The following GPR176 variants were observed in gnomAD, a reference collection of about 807,000 sequenced individuals.
GPR176 encodes G protein-coupled receptor 176.
In GPR176, 26 loss-of-function variants were observed where a neutral mutation model predicts 35.4. The observed-to-expected ratio is 0.74, with a 90% CI of 0.54 to 1.02. The LOEUF is 1.02. Ranked by LOEUF, GPR176 falls within the 50% of genes least tolerant of loss-of-function variation. GPR176 has a pLI of 0.00. For missense variants in GPR176, 597 were observed against 665.3 expected (o/e 0.90, Z 1.13); for synonymous variants, 278 against 271.3 (o/e 1.02, Z -0.24).
chr15:39,899,905 C>G (rs1203043642), intron 1 of GPR176, among the ~76,000 whole-genome samples: 1 of 152,052 alleles, frequency 6.6e-6, no homozygotes, highest in African/African-American at 2.4e-5. Context: ...TAAAATCATC[C>G]TAGATTCTAG....
intron 1 of GPR176, among the ~76,000 whole-genome samples, chr15:39,812,130 CATGT>C: frequency 6.6e-6 from 1 of 152,168 alleles, no homozygotes; most frequent in Non-Finnish European, 1.5e-5. Flanking sequence ...TACTGCTTCA[CATGT>C]AATATAAGAA....
intron 1 of GPR176, among the ~76,000 whole-genome samples, chr15:39,883,227 G>A (rs537833692): frequency 2.7e-4 from 41 of 151,868 alleles, no homozygotes; most frequent in South Asian, 1.9e-3. Flanking sequence ...TAATTATAAC[G>A]AAGTATTTTC....
intron 1 of GPR176, among the ~76,000 whole-genome samples, chr15:39,888,940 A>G (rs2032768119): frequency 6.6e-6 from 1 of 152,178 alleles, no homozygotes; most frequent in Non-Finnish European, 1.5e-5. Context: ...CTGCTCTCCA[A>G]TTTTCCCCCT....
intron 1 of GPR176, among the ~76,000 whole-genome samples, chr15:39,810,633 A>C (rs1013790329): frequency 2.6e-5 from 4 of 152,232 alleles, no homozygotes; most frequent in African/African-American, 9.6e-5. Context: ...AAAGCAGTAA[A>C]ATATCCATGG....
At chr15:39,917,295 A>T (rs1043249843) in intron 1 of GPR176, among the ~76,000 whole-genome samples, 2 of 151,976 alleles carry the variant, frequency 1.3e-5, no homozygotes, top group African/African-American at 4.8e-5. Flanking sequence ...TCTCAAAAAA[A>T]AAATAAAAAT....
At position 39,801,004 on chromosome 15, in the gene GPR176, G is replaced by T; in HGVS notation, c.*128C>A. 1 of 753,228 alleles carries T rather than the reference G, an allele frequency of 1.3e-6. No homozygotes were observed. The highest frequency in any genetic ancestry group is 2.2e-6 in the Non-Finnish European group (1 of 448,924). 46.7% of individuals were successfully genotyped at this position (753,228 alleles called of 1,614,324 possible). A position where few individuals can be genotyped will look rare whatever the true frequency, so the allele number is the denominator to read the frequency against. ...ATTTCCCTATCATTCAAAAGCATCT[G>T]GCCCATATTGGAGGAATCAACTCAC... On this transcript the variant is annotated 3_prime_UTR_variant, in exon 3 of 3. Coordinates refer to ENST00000561100, the MANE Select transcript of GPR176 (RefSeq NM_007223.3).
chr15:39,804,534 G>A (rs896033781), intron 2 of GPR176, among the ~76,000 whole-genome samples: 4 of 151,724 alleles, frequency 2.6e-5, no homozygotes, highest in African/African-American at 9.7e-5. Flanking sequence ...GGCCCCAGAA[G>A]TAACCCACAG....
intron 1 of GPR176, among the ~76,000 whole-genome samples, chr15:39,846,490 A>G (rs546922649): frequency 1.3e-5 from 2 of 152,352 alleles, no homozygotes; most frequent in South Asian, 2.1e-4. Flanking sequence ...TGACACTAAC[A>G]AAGCATCTTC....
intron 1 of GPR176, among the ~76,000 whole-genome samples, chr15:39,857,197 G>A (rs894772162): frequency 6.6e-6 from 1 of 152,216 alleles, no homozygotes; most frequent in African/African-American, 2.4e-5. Context: ...AAATCTTGAT[G>A]AATGTCAAAG....
chr15:39,895,868 A>G (rs775265319), intron 1 of GPR176, among the ~76,000 whole-genome samples: 2 of 152,212 alleles, frequency 1.3e-5, no homozygotes, highest in African/African-American at 2.4e-5. Context: ...ACTCTTCCAC[A>G]ATTATTGGTA....
chr15:39,898,596 A>G (rs575615219), intron 1 of GPR176, among the ~76,000 whole-genome samples: 1 of 152,242 alleles, frequency 6.6e-6, no homozygotes, highest in East Asian at 1.9e-4. Context: ...AGAATAATGT[A>G]CCCTGGGAGC....
At chr15:39,836,411 C>A (rs1033211091) in intron 1 of GPR176, among the ~76,000 whole-genome samples, 51 of 152,110 alleles carry the variant, frequency 3.4e-4, no homozygotes, top group African/African-American at 1.2e-3. Context: ...CCTCTCTCAC[C>A]ATGTGACATG....
intron 1 of GPR176, among the ~76,000 whole-genome samples, chr15:39,911,042 AT>A (rs1281854334): frequency 6.6e-6 from 1 of 151,748 alleles, no homozygotes; most frequent in African/African-American, 2.4e-5. Context: ...TATCAAAAAA[AT>A]AAAATAAATA....
At chr15:39,859,190 A>C (rs895724996) in intron 1 of GPR176, among the ~76,000 whole-genome samples, 6 of 152,194 alleles carry the variant, frequency 3.9e-5, no homozygotes, top group African/African-American at 7.2e-5. Context: ...AAAGATGTTT[A>C]AGAAAGAATA....
intron 1 of GPR176, among the ~76,000 whole-genome samples, chr15:39,840,486 G>A (rs1045273535): frequency 1.3e-5 from 2 of 152,110 alleles, no homozygotes; most frequent in African/African-American, 4.8e-5. Flanking sequence ...CTGTCATGGG[G>A]TGGGGGTAGC....
intron 1 of GPR176, among the ~76,000 whole-genome samples, chr15:39,899,477 G>A (rs896418441): frequency 6.6e-6 from 1 of 152,200 alleles, no homozygotes; most frequent in Non-Finnish European, 1.5e-5. Flanking sequence ...ACACATTGAT[G>A]TATGAGAAGT....
chr15:39,868,580 T>C (rs746142820), intron 1 of GPR176, among the ~76,000 whole-genome samples: 16 of 152,238 alleles, frequency 1.1e-4, no homozygotes, highest in Admixed American at 2.0e-4. Flanking sequence ...ACCAATGCTT[T>C]ATGCATACAG....
chr15:39,812,235 G>C (rs995355713), intron 1 of GPR176, among the ~76,000 whole-genome samples: 2 of 152,210 alleles, frequency 1.3e-5, no homozygotes, highest in Non-Finnish European at 2.9e-5. Flanking sequence ...GCCTGTGAGG[G>C]TGTTGCCAAC....
chr15:39,831,992 ATG>A (rs1901110526), intron 1 of GPR176, among the ~76,000 whole-genome samples: 1 of 120,966 alleles, frequency 8.3e-6, no homozygotes, highest in Non-Finnish European at 1.7e-5. Context: ...ACACATGTGC[ATG>A]CACACACACA....
Sources: gnomAD v4.1 joint callset for allele counts (sites outside exome capture counted in the v4.1 genomes callset) on GRCh38, gnomAD v4.1.1 for gene constraint, MANE v1.5 for transcripts, NCBI Gene and HGNC (gene_info 2026-07-23, HGNC 2026-07-21) for gene names.